ERN1: variants seen among roughly 807,000 people sequenced by gnomAD.
The protein encoded by ERN1 is serine/threonine-protein kinase/endoribonuclease IRE1.
A neutral mutation model predicts 113.1 loss-of-function variants in ERN1; 39 were observed. That is an observed-to-expected ratio of 0.34 (90% CI 0.27 to 0.45). ERN1 has a LOEUF of 0.45. Ranked by LOEUF, ERN1 falls within the 20% of genes least tolerant of loss-of-function variation. The pLI, the probability that ERN1 is intolerant of heterozygous loss-of-function variation, is 1.00. For missense variants in ERN1, 976 were observed against 1,274.8 expected (o/e 0.77, Z 3.57); for synonymous variants, 507 against 515.9 (o/e 0.98, Z 0.23).
intron 1 of ERN1, among the ~76,000 whole-genome samples, chr17:64,118,109 G>A (rs942482893): frequency 2.0e-5 from 3 of 152,104 alleles, no homozygotes; most frequent in Non-Finnish European, 2.9e-5. Context: ...AAAAAGAGGC[G>A]GCTGGGGGAC....
rs1222246948 is a variant in ERN1, at chr17:64,044,954, G to C, written c.2654-27C>G. The C allele has an allele frequency of 6.7e-7, 1 of 1,487,666 alleles. No individual in the cohort carries two copies. The highest frequency in any genetic ancestry group is 9.2e-7 in the Non-Finnish European group (1 of 1,081,704). 92.2% of individuals were successfully genotyped at this position (1,487,666 alleles called of 1,614,324 possible). ...TAGAAAAACATTGAGGGAAGCAATG[G>C]GTAATCAAATTTAAAACTAATACAT... On this transcript the variant is annotated intron_variant, in intron 20 of 21. Transcript: ENST00000433197. The surrounding 1 kb of genome is among the most constrained non-coding windows in gnomAD (Gnocchi z 4.1).
At chr17:64,112,778 C>T (rs1229702078) in intron 1 of ERN1, among the ~76,000 whole-genome samples, 4 of 152,204 alleles carry the variant, frequency 2.6e-5, no homozygotes, top group Non-Finnish European at 4.4e-5. Context: ...TTGCCCTATG[C>T]GTCTCTTCAT....
intron 1 of ERN1, among the ~76,000 whole-genome samples, chr17:64,106,967 T>C (rs1314525776): frequency 6.6e-6 from 1 of 152,160 alleles, no homozygotes; most frequent in Non-Finnish European, 1.5e-5. Context: ...TTCTTCTACT[T>C]GCAGCAATAT....
rs374999844 is a variant in ERN1, at chr17:64,072,063, G to A, written c.396C>T (p.Thr132=). 7.1e-5 allele frequency: 114 copies of A among 1,611,570 alleles called. No homozygotes were observed. In the African/African-American group the frequency reaches 9.6e-4, roughly 14 times the overall value. The part of the protein sequence containing the change: ...QDIWYVIDLL[T]GEKQQTLSSA... Reference sequence around the variant, plus strand: ...ATGACAAAGTCTGCTGCTTCTCTCCGGTCAGGAGGTCAATAACATACCAGA... The same window carrying A: ...ATGACAAAGTCTGCTGCTTCTCTCCAGTCAGGAGGTCAATAACATACCAGA... The change falls in exon 6 of 22, where the codon ACC becomes ACT. Residue 132 remains threonine (T), a synonymous_variant. Coordinates refer to ENST00000433197, the MANE Select transcript of ERN1 (RefSeq NM_001433.5).
Position 64,055,781 on chromosome 17 carries a change from G to T in ERN1, c.1566C>A (p.Gly522=), listed in dbSNP as rs1319856395. The part of the protein sequence containing the change: ...DTSGPYSESS[G]TSSPSTSPRA... ...TGGGGGACGTGCTGGGGCTGCTGGT[G>T]CCCGAGCTCTCTGAGTACGGGCCAG... The change falls in exon 13 of 22, where the codon GGC becomes GGA. Residue 522 remains glycine, a synonymous_variant. Coordinates refer to ENST00000433197, the MANE Select transcript of ERN1 (RefSeq NM_001433.5). The T allele has an allele frequency of 1.2e-6, 2 of 1,601,936 alleles. No individual in the cohort carries two copies. The highest frequency in any genetic ancestry group is 2.7e-5 in the African/African-American group (2 of 74,736).
rs985570139 is a variant in ERN1, at chr17:64,078,022, C to T, written c.282+1640G>A. Among the ~76,000 whole-genome samples the T allele has an allele frequency of 3.9e-5, 6 of 152,262 alleles. No homozygotes were observed. The East Asian group carries it at 7.7e-4, about 20-fold the overall frequency. On this transcript the variant is annotated intron_variant, in intron 4 of 21. Coordinates refer to ENST00000433197, the MANE Select transcript of ERN1 (RefSeq NM_001433.5). Reference sequence around the variant, plus strand: ...TGCTGGGATTACAGGCATGAGCCACCGCACCCAGCCACAAATGTGCATTTC... The same window carrying T: ...TGCTGGGATTACAGGCATGAGCCACTGCACCCAGCCACAAATGTGCATTTC...
At chr17:64,101,410 C>CA (rs767547218) in intron 1 of ERN1, among the ~76,000 whole-genome samples, 85 of 140,566 alleles carry the variant, frequency 6.0e-4, no homozygotes, top group East Asian at 5.3e-3. Flanking sequence ...GCTCTGTCTC[C>CA]AAAAAAAAAA....
chr17:64,044,054 G>A lies in ERN1; in HGVS notation c.2868C>T (p.Leu956=). ...GCTCGTGGAAGTAGTAGGGCTGGAAGAGTCTCTCGTGGCTGCACAGCTCCA... is the reference window on the plus strand; with the variant it reads ...GCTCGTGGAAGTAGTAGGGCTGGAAAAGTCTCTCGTGGCTGCACAGCTCCA... ...RAMELCSHER[L]FQPYYFHEPP... The change falls in exon 22 of 22, where the codon CTC becomes CTT. Residue 956 remains leucine (L), a synonymous_variant. Transcript: ENST00000433197. The surrounding 1 kb of genome is among the most constrained non-coding windows in gnomAD (Gnocchi z 4.1). 3 of 1,613,792 alleles carry A rather than the reference G, an allele frequency of 1.9e-6. No individual in the cohort carries two copies. Among genetic ancestry groups the A allele is most frequent in the Non-Finnish European group, 1.7e-6 (2 of 1,179,852 alleles).
intron 10 of ERN1, among the ~76,000 whole-genome samples, chr17:64,061,460 G>T (rs1176417897): frequency 6.6e-6 from 1 of 152,160 alleles, no homozygotes; most frequent in Admixed American, 6.5e-5. Context: ...ACCTATCAAA[G>T]ATTTCATGAC....
At chr17:64,090,036 G>C (rs1443102950) in intron 2 of ERN1, among the ~76,000 whole-genome samples, 1 of 152,126 alleles carries the variant, frequency 6.6e-6, no homozygotes, top group Non-Finnish European at 1.5e-5. Context: ...CTTCTCCCCA[G>C]TGGCAGCTCA....
intron 8 of ERN1, among the ~76,000 whole-genome samples, chr17:64,065,918 G>A (rs1181367040): frequency 6.6e-6 from 1 of 152,144 alleles, no homozygotes; most frequent in African/African-American, 2.4e-5. Context: ...TTACTGTCAA[G>A]AGCCCACCTG....
At chr17:64,112,617 C>T (rs1914705075) in intron 1 of ERN1, among the ~76,000 whole-genome samples, 1 of 152,080 alleles carries the variant, frequency 6.6e-6, no homozygotes, top group Non-Finnish European at 1.5e-5. Context: ...CCTCTCTGTG[C>T]CTTCAGTTTC....
At chr17:64,094,924 G>C (rs1277138341) in intron 2 of ERN1, among the ~76,000 whole-genome samples, 1 of 152,170 alleles carries the variant, frequency 6.6e-6, no homozygotes, top group African/African-American at 2.4e-5. Context: ...TCAGGACCTA[G>C]AGTAGCATCT....
At chr17:64,091,729 C>A (rs904231285) in intron 2 of ERN1, among the ~76,000 whole-genome samples, 11 of 152,130 alleles carry the variant, frequency 7.2e-5, no homozygotes, top group African/African-American at 2.7e-4. Flanking sequence ...GCAAGTAGGG[C>A]ACCTGCTGGG....
intron 5 of ERN1, among the ~76,000 whole-genome samples, chr17:64,074,710 T>C (rs1913532804): frequency 6.6e-6 from 1 of 152,256 alleles, no homozygotes; most frequent in Non-Finnish European, 1.5e-5. Flanking sequence ...GGTGATCTGA[T>C]GCTTTGAAAG....
rs1912410839 is a variant in ERN1 at position 64,043,667 on chromosome 17, A to G, written c.*321T>C. On this transcript the variant is annotated 3_prime_UTR_variant, in exon 22 of 22. Coordinates refer to ENST00000433197, the MANE Select transcript of ERN1 (RefSeq NM_001433.5). ...GCCTGTAGACTGACATTAAGCAGGA[A>G]TTTAAAAAGTCTGAAGCAAGTTTAT... The G allele has an allele frequency of 8.2e-6, 2 of 244,196 alleles. No homozygotes were observed. The highest frequency in any genetic ancestry group is 1.1e-4 in the Admixed American group (2 of 17,968). 15.1% of individuals were successfully genotyped at this position (244,196 alleles called of 1,614,324 possible). A position where few individuals can be genotyped will look rare whatever the true frequency, so the allele number is the denominator to read the frequency against.
At chr17:64,047,315 T>C (rs374931989) in intron 19 of ERN1, among the ~76,000 whole-genome samples, 57 of 152,242 alleles carry the variant, frequency 3.7e-4, no homozygotes, top group South Asian at 1.0e-3. Flanking sequence ...TGAGCCAAGA[T>C]TGCACCACTG....
rs1258831635 is a variant in ERN1 at position 64,098,255 on chromosome 17, T to C, written c.55-14A>G. 1.2e-6 allele frequency: 2 copies of C among 1,613,852 alleles called. No individual in the cohort carries two copies. Among genetic ancestry groups the C allele is most frequent in the East Asian group, 2.2e-5 (1 of 44,888 alleles). ...ACTTCCAAAAATCTGCAACGAGATG[T>C]AGAAGACTCTTAATGTTGATATGAT... On this transcript the variant is annotated splice_polypyrimidine_tract_variant and intron_variant, in intron 1 of 21. Coordinates refer to ENST00000433197, the MANE Select transcript of ERN1 (RefSeq NM_001433.5).
At chr17:64,045,972 G>A (rs1912501111) in intron 19 of ERN1, among the ~76,000 whole-genome samples, 2 of 152,168 alleles carry the variant, frequency 1.3e-5, no homozygotes, top group South Asian at 4.1e-4. Flanking sequence ...TTCTCAAAGA[G>A]GAAACTTGGT....
Sources: gnomAD v4.1 joint callset for allele counts (sites outside exome capture counted in the v4.1 genomes callset) on GRCh38, gnomAD v4.1.1 for gene constraint, Gnocchi (gnomAD v3.1) non-coding constraint, MANE v1.5 for transcripts, NCBI Gene and HGNC (gene_info 2026-07-23, HGNC 2026-07-21) for gene names.